The following GPC6 variants were observed in gnomAD, a reference collection of about 807,000 sequenced individuals.
GPC6 encodes glypican 6, also known as glypican-6.
GPC6 carries 14 observed loss-of-function variants against 55.2 expected under a neutral mutation model. The observed-to-expected ratio is 0.25, with a 90% CI of 0.17 to 0.40. The LOEUF (loss-of-function observed/expected upper bound fraction) is 0.40. GPC6 is among the 10% of genes least tolerant of loss of function. The pLI is 1.00. For missense variants in GPC6, 641 were observed against 708.5 expected (o/e 0.90, Z 1.08); for synonymous variants, 278 against 259.6 (o/e 1.07, Z -0.68).
chr13:93,545,959 C>A (rs1202916543), intron 2 of GPC6, among the ~76,000 whole-genome samples: 1 of 152,124 alleles, frequency 6.6e-6, no homozygotes, highest in East Asian at 1.9e-4. Flanking sequence ...TATAAGCAGT[C>A]AATGTTATTT....
At chr13:93,564,845 AC>A (rs776536967) in intron 2 of GPC6, among the ~76,000 whole-genome samples, 124 of 152,006 alleles carry the variant, frequency 8.2e-4, no homozygotes, top group Non-Finnish European at 1.0e-4. Context: ...CCCACTCCTC[AC>A]CCCTGTTATT....
intron 3 of GPC6, among the ~76,000 whole-genome samples, chr13:93,859,248 A>T (rs1310256513): frequency 1.3e-5 from 2 of 151,592 alleles, no homozygotes; most frequent in African/African-American, 4.8e-5. Context: ...GCTAAATTAT[A>T]ATGTATCCAC....
intron 2 of GPC6, among the ~76,000 whole-genome samples, chr13:93,585,324 C>T (rs1877141241): frequency 6.6e-6 from 1 of 152,048 alleles, no homozygotes; most frequent in African/African-American, 2.4e-5. Flanking sequence ...CCTCATTCTA[C>T]CTGGTATATG....
intron 6 of GPC6, among the ~76,000 whole-genome samples, chr13:94,327,628 G>C (rs2139137514): frequency 1.3e-5 from 2 of 152,280 alleles, no homozygotes; most frequent in East Asian, 3.9e-4. Flanking sequence ...CTTTTCAAGA[G>C]TTTCACTTTT....
At chr13:94,053,992 G>A (rs1427903311) in intron 4 of GPC6, among the ~76,000 whole-genome samples, 1 of 152,134 alleles carries the variant, frequency 6.6e-6, no homozygotes, top group Non-Finnish European at 1.5e-5. Context: ...ATGTATTGGT[G>A]GAAAAGGTGC....
chr13:93,608,037 AT>A (rs56833494), intron 2 of GPC6, among the ~76,000 whole-genome samples: 139,547 of 151,940 alleles, frequency 0.92, 64,209 homozygotes, highest in African/African-American at 0.98. Context: ...CACTTGGAGT[AT>A]TTTTTTTTCT....
chr13:93,440,023 A>G (rs893399647), intron 1 of GPC6, among the ~76,000 whole-genome samples: 4 of 152,218 alleles, frequency 2.6e-5, no homozygotes, highest in Admixed American at 2.6e-4. Context: ...AACAATACCC[A>G]TATCTTACTT....
chr13:93,498,548 A>G (rs1214941217), intron 1 of GPC6, among the ~76,000 whole-genome samples: 2 of 152,152 alleles, frequency 1.3e-5, no homozygotes, highest in South Asian at 2.1e-4. Context: ...TACTCTCATG[A>G]TAGTGAGTAA....
intron 7 of GPC6, among the ~76,000 whole-genome samples, chr13:94,383,795 A>G (rs534671660): frequency 6.6e-6 from 1 of 152,146 alleles, no homozygotes; most frequent in South Asian, 2.1e-4. Context: ...GGCTTGATTG[A>G]CCCACAGTTC....
At chr13:93,921,871 G>A (rs1877592715) in intron 3 of GPC6, among the ~76,000 whole-genome samples, 1 of 151,716 alleles carries the variant, frequency 6.6e-6, no homozygotes, top group South Asian at 2.1e-4. Context: ...TGAGGGTGGA[G>A]CCTTTGCTGG....
chr13:93,656,539 T>A (rs538384713), intron 2 of GPC6, among the ~76,000 whole-genome samples: 2 of 152,130 alleles, frequency 1.3e-5, no homozygotes, highest in Non-Finnish European at 2.9e-5. Context: ...TTTCTGTAAA[T>A]GTACTTACCT....
chr13:93,625,028 C>G (rs992279964), intron 2 of GPC6, among the ~76,000 whole-genome samples: 8 of 152,072 alleles, frequency 5.3e-5, no homozygotes, highest in African/African-American at 1.9e-4. Context: ...GTTAAAATAC[C>G]TTATGCTTAC....
At chr13:94,331,085 C>G (rs900834482) in intron 6 of GPC6, among the ~76,000 whole-genome samples, 4 of 152,240 alleles carry the variant, frequency 2.6e-5, no homozygotes, top group Admixed American at 6.5e-5. Flanking sequence ...ATTTAAGAAA[C>G]TGTATGCAGT....
intron 2 of GPC6, among the ~76,000 whole-genome samples, chr13:93,650,563 C>A (rs1880366286): frequency 6.6e-6 from 1 of 152,064 alleles, no homozygotes; most frequent in Non-Finnish European, 1.5e-5. Flanking sequence ...AAGACAGTTT[C>A]ATGATAGAAA....
chr13:94,003,403 AG>A (rs1219849510), intron 3 of GPC6, among the ~76,000 whole-genome samples: 1 of 152,232 alleles, frequency 6.6e-6, no homozygotes, highest in Non-Finnish European at 1.5e-5. Flanking sequence ...GTCAGAATAG[AG>A]GAAGAAGTGT....
chr13:93,993,043 G>A (rs945615431), intron 3 of GPC6, among the ~76,000 whole-genome samples: 12 of 152,144 alleles, frequency 7.9e-5, no homozygotes, highest in Admixed American at 3.3e-4. Flanking sequence ...TGGTTTTGGA[G>A]CAATTTCAAT....
chr13:93,273,408 C>T lies in GPC6; in HGVS notation c.160+45792C>T, dbSNP rs1460986454. Among the ~76,000 whole-genome samples, 5 of 152,234 alleles carry T rather than the reference C, an allele frequency of 3.3e-5. No individual in the cohort carries two copies. In the East Asian group the frequency reaches 9.7e-4, roughly 29 times the overall value. On this transcript the variant is annotated intron_variant, in intron 1 of 8. Transcript: ENST00000377047. ...GCGCGGTGGCTCAAGCCTGTAATCC[C>T]AGCACTTTGGGAGGCCGAGGTGGGC...
At chr13:93,623,117 T>TAATA in intron 2 of GPC6, among the ~76,000 whole-genome samples, 1 of 152,326 alleles carries the variant, frequency 6.6e-6, no homozygotes, top group South Asian at 2.1e-4. Context: ...TGAGTAGTAT[T>TAATA]CCATTGTGTA....
At chr13:93,380,820 G>A (rs1050050881) in intron 1 of GPC6, among the ~76,000 whole-genome samples, 1 of 152,028 alleles carries the variant, frequency 6.6e-6, no homozygotes, top group Non-Finnish European at 1.5e-5. Flanking sequence ...ATTGACTCTA[G>A]CAAAGACACC....
Sources: allele counts gnomAD v4.1 joint callset (sites outside exome capture counted in the v4.1 genomes callset), GRCh38; gene constraint gnomAD v4.1.1; transcripts MANE v1.5; gene names NCBI Gene and HGNC (gene_info 2026-07-23, HGNC 2026-07-21).